Variants in NHSL2 observed in about 807,000 individuals in gnomAD.
The protein encoded by NHSL2 is NHS-like protein 2.
In NHSL2, 27 loss-of-function variants were observed where a neutral mutation model predicts 53.4. The observed-to-expected ratio is 0.51, with a 90% CI of 0.37 to 0.70. NHSL2 has a LOEUF of 0.70. Ranked by LOEUF, NHSL2 falls within the 30% of genes least tolerant of loss-of-function variation. The pLI, the probability that NHSL2 is intolerant of heterozygous loss-of-function variation, is 0.00. For synonymous variants in NHSL2, 408 were observed against 404.1 expected (o/e 1.01, Z -0.12); for missense variants, 892 against 980.1 (o/e 0.91, Z 1.20).
Position 72,134,686 on chromosome X carries a change from G to A in NHSL2, c.742G>A (p.Val248Met). 3.4e-6 allele frequency: 4 copies of A among 1,165,054 alleles called. No homozygotes were observed. The highest frequency in any genetic ancestry group is 4.6e-6 in the Non-Finnish European group (4 of 870,161). The change falls in exon 4 of 8, where the codon GTG becomes ATG. Residue 248 changes from valine (V) to methionine (M), a missense_variant. Coordinates refer to ENST00000633930, the MANE Select transcript of NHSL2 (RefSeq NM_001013627.3). ...PQLCSTQSDIVPINISGQQFD... is the reference protein window; with the variant it reads ...PQLCSTQSDIMPINISGQQFD... ...GCTTTGCTCCACGCAGTCTGACATT[G>A]TGCCCATCAACATCTCTGGTAGAGT...
At chrX:72,049,015 G>GAAGAAGAAGAA (rs766144046) in intron 1 of NHSL2, among the ~76,000 whole-genome samples, 64 of 82,718 alleles carry the variant, frequency 7.7e-4, no homozygotes, top group African/African-American at 3.3e-3. Context: ...AAGAAGAAGA[G>GAAGAAGAAGAA]GAAGAGGAAG....
Position 71,911,092 on chromosome X carries a change from C to T in NHSL2, c.5C>T (p.Pro2Leu). MPFYRRTVVPQR... is the reference protein window; with the variant it reads MLFYRRTVVPQR... ...GCGCCCGCGCCCGCGGCCGGGATGCCGTTCTACAGGCGCACGGTGGTACCC... is the reference window on the plus strand; with the variant it reads ...GCGCCCGCGCCCGCGGCCGGGATGCTGTTCTACAGGCGCACGGTGGTACCC... Residue 2 changes from proline (P) to leucine (L), a missense_variant, in exon 1 of 8, where the codon CCG becomes CTG. By Grantham distance (98) the Pro-to-Leu change is moderately conservative. Transcript: ENST00000633930. 9.9e-7 allele frequency: 1 copy of T among 1,011,039 alleles called. No homozygotes were observed. The highest frequency in any genetic ancestry group is 1.3e-6 in the Non-Finnish European group (1 of 799,319). 83.3% of individuals were successfully genotyped at this position (1,011,039 alleles called of 1,213,427 possible). A position where few individuals can be genotyped will look rare whatever the true frequency, so the allele number is the denominator to read the frequency against.
At chrX:72,056,460 C>T (rs1395324870) in intron 1 of NHSL2, among the ~76,000 whole-genome samples, 2 of 111,460 alleles carry the variant, frequency 1.8e-5, no homozygotes, top group East Asian at 5.6e-4. Flanking sequence ...TCAAGCCTCA[C>T]CAATATACTC....
In NHSL2 at chrX:71,980,324, T is replaced by C. The variant is rs1373528648; in HGVS notation, c.280+68957T>C. 4.5e-5 allele frequency among the ~76,000 whole-genome samples: 5 copies of C among 111,806 alleles called. No individual in the cohort carries two copies. In the Admixed American group the frequency reaches 4.7e-4, roughly 11 times the overall value. ...AAAGTCATTGGTAGCTTGATGGGGA[T>C]GGCATTGAATCTGTAAATTACCTTG... On this transcript the variant is annotated intron_variant, in intron 1 of 7. Transcript: ENST00000633930.
intron 1 of NHSL2, among the ~76,000 whole-genome samples, chrX:71,948,851 GT>G (rs142631162): frequency 1.6e-4 from 14 of 90,225 alleles, no homozygotes; most frequent in African/African-American, 4.9e-4. Flanking sequence ...ATGTAGTTTT[GT>G]TTTTTTTTTT....
At chrX:72,085,364 A>G (rs1366692973) in intron 1 of NHSL2, among the ~76,000 whole-genome samples, 2 of 112,693 alleles carry the variant, frequency 1.8e-5, no homozygotes, top group Non-Finnish European at 3.7e-5. Context: ...TTATTTTCTT[A>G]ACCTGCCCGG....
chrX:71,915,361 A>G (rs2041623158), intron 1 of NHSL2, among the ~76,000 whole-genome samples: 1 of 111,067 alleles, frequency 9.0e-6, no homozygotes, highest in South Asian at 3.9e-4. Flanking sequence ...GGTACCAACA[A>G]TTCAGTCATT....
intron 1 of NHSL2, among the ~76,000 whole-genome samples, chrX:72,040,925 A>G (rs961737908): frequency 3.6e-5 from 4 of 112,483 alleles, no homozygotes; most frequent in Non-Finnish European, 5.6e-5. Context: ...CCTACCCTTG[A>G]GAAACACATA....
At chrX:72,097,455 C>G (rs145948770) in intron 1 of NHSL2, among the ~76,000 whole-genome samples, 3,265 of 112,003 alleles carry the variant, frequency 0.029, 58 homozygotes, top group Middle Eastern at 0.037. Context: ...GAAGGTCTCT[C>G]TGTGATAAAC....
In NHSL2 at chrX:72,143,336, A is replaced by G; in HGVS notation, c.3440A>G (p.Asn1147Ser). ...GRTSSHSPIK[N>S]TAESPISEST... The stretch of plus-strand genomic sequence containing the variant: ...ACGAGTTCCCACTCACCAATAAAGA[A>G]CACAGCTGAGTCTCCAATCAGTGAG... Residue 1147 changes from asparagine (N) to serine (S), a missense_variant, in exon 8 of 8, where the codon AAC (asparagine) becomes AGC (serine). Coordinates refer to ENST00000633930, the MANE Select transcript of NHSL2 (RefSeq NM_001013627.3). 8.6e-7 allele frequency: 1 copy of G among 1,166,576 alleles called. No individual in the cohort carries two copies. The highest frequency in any genetic ancestry group is 1.1e-6 in the Non-Finnish European group (1 of 871,993).
chrX:72,119,227 C>A (rs2042163573), intron 1 of NHSL2, among the ~76,000 whole-genome samples: 1 of 111,853 alleles, frequency 8.9e-6, no homozygotes, highest in Non-Finnish European at 1.9e-5. Context: ...CAACTCTGTT[C>A]TTTTTAAAGA....
Position 72,109,422 on chromosome X carries a change from C to T in NHSL2, c.281-22657C>T, listed in dbSNP as rs2042072212. ...CTTGACTCTTGACTTATGCTGGCCC[C>T]CCTAAACACATTGCTCCAAAGTGTG... On this transcript the variant is annotated intron_variant, in intron 1 of 7. Coordinates refer to ENST00000633930, the MANE Select transcript of NHSL2 (RefSeq NM_001013627.3). 2.7e-5 allele frequency among the ~76,000 whole-genome samples: 3 copies of T among 111,623 alleles called. No individual in the cohort carries two copies. In the Admixed American group the frequency reaches 2.9e-4, roughly 11 times the overall value.
intron 1 of NHSL2, among the ~76,000 whole-genome samples, chrX:72,059,229 C>T (rs191194784): frequency 1.8e-5 from 2 of 110,776 alleles, no homozygotes; most frequent in East Asian, 2.9e-4. Flanking sequence ...CTGGCCCCAC[C>T]GCTCCACCCT....
intron 1 of NHSL2, among the ~76,000 whole-genome samples, chrX:72,008,815 A>G (rs1164302616): frequency 1.8e-5 from 2 of 111,919 alleles, no homozygotes; most frequent in Admixed American, 9.4e-5. Context: ...CTCCACTGCT[A>G]TCACCCTAGT....
In NHSL2 at chrX:72,148,960, A is replaced by G. The variant is rs1016790801; in HGVS notation, c.*5386A>G. On this transcript the variant is annotated 3_prime_UTR_variant, in exon 8 of 8. Transcript: ENST00000633930. ...TCTCCAACTGATTCCAACCTTTACC[A>G]TTATTCTGGCTCTCATCATAAGGAC... 7 of 108,742 alleles carry G rather than the reference A, an allele frequency of 6.4e-5. No individual in the cohort carries two copies. The highest frequency in any genetic ancestry group is 1.7e-4 in the African/African-American group (5 of 29,718). 9.0% of individuals were successfully genotyped at this position (108,742 alleles called of 1,213,427 possible). A position where few individuals can be genotyped will look rare whatever the true frequency, so the allele number is the denominator to read the frequency against.
chrX:71,966,269 A>G (rs1448509320), intron 1 of NHSL2, among the ~76,000 whole-genome samples: 1 of 111,725 alleles, frequency 9.0e-6, no homozygotes, highest in Non-Finnish European at 1.9e-5. Flanking sequence ...AGACAGTTTT[A>G]TTTCTTCCTT....
At chrX:71,980,332 A>C (rs1057040931) in intron 1 of NHSL2, among the ~76,000 whole-genome samples, 21 of 111,487 alleles carry the variant, frequency 1.9e-4, no homozygotes, top group African/African-American at 6.5e-4. Flanking sequence ...GATGGCATTG[A>C]ATCTGTAAAT....
chrX:72,017,590 C>A lies in NHSL2; in HGVS notation c.280+106223C>A, dbSNP rs1261043190. 2.7e-5 allele frequency among the ~76,000 whole-genome samples: 3 copies of A among 112,449 alleles called. No individual in the cohort carries two copies. In the Admixed American group the frequency reaches 2.8e-4, roughly 10 times the overall value. ...AGGGGTTCTGTGGTATGTGCAGATG[C>A]TGTCTGGGCAAGCAGCACTGCCCTC... is the stretch of plus-strand genomic sequence containing the variant. On this transcript the variant is annotated intron_variant, in intron 1 of 7. Transcript: ENST00000633930.
chrX:72,121,731 C>A (rs1373066489), intron 1 of NHSL2, among the ~76,000 whole-genome samples: 1 of 112,050 alleles, frequency 8.9e-6, no homozygotes, highest in East Asian at 2.8e-4. Flanking sequence ...GCTCCATGGA[C>A]CTCCAAGGGG....
Sources: allele counts gnomAD v4.1 joint callset (sites outside exome capture counted in the v4.1 genomes callset), GRCh38; gene constraint gnomAD v4.1.1; transcripts MANE v1.5; gene names NCBI Gene and HGNC (gene_info 2026-07-23, HGNC 2026-07-21).